The following SPTLC3 variants were observed in gnomAD, a reference collection of about 807,000 sequenced individuals.
SPTLC3 encodes the protein serine palmitoyltransferase long chain base subunit 3.
Under a neutral mutation model 59.3 loss-of-function variants are expected in SPTLC3, and 36 were observed. That is an observed-to-expected ratio of 0.61 (90% CI 0.47 to 0.80). The LOEUF is 0.80. Among genes scored for constraint, SPTLC3 ranks in the 30% least tolerant of loss-of-function variants. SPTLC3 has a pLI of 0.00. For synonymous variants in SPTLC3, 257 were observed against 240.8 expected (o/e 1.07, Z -0.62); for missense variants, 625 against 685.1 (o/e 0.91, Z 0.98).
At chr20:13,033,167 C>T (rs16993653) in intron 1 of SPTLC3, among the ~76,000 whole-genome samples, 8,384 of 152,116 alleles carry the variant, frequency 0.055, 272 homozygotes, top group South Asian at 0.083. Context: ...CTCAGACTTC[C>T]ACCAAACCCT....
At chr20:13,021,066 T>G (rs1429719532) in intron 1 of SPTLC3, among the ~76,000 whole-genome samples, 1 of 152,210 alleles carries the variant, frequency 6.6e-6, no homozygotes, top group Non-Finnish European at 1.5e-5. Flanking sequence ...CTTCATCCCA[T>G]AATGACTTCT....
At chr20:13,024,289 G>A (rs1017835087) in intron 1 of SPTLC3, among the ~76,000 whole-genome samples, 1 of 151,980 alleles carries the variant, frequency 6.6e-6, no homozygotes, top group Non-Finnish European at 1.5e-5. Context: ...CCATTTTATT[G>A]TAAACATTTG....
At position 13,131,676 on chromosome 20, in the gene SPTLC3, C is replaced by G. The variant is rs546921668; in HGVS notation, c.1279+4959C>G. Among the ~76,000 whole-genome samples the G allele has an allele frequency of 8.5e-5, 13 of 152,204 alleles. 1 individual carries two copies. The highest frequency in any genetic ancestry group is 1.3e-4 in the Non-Finnish European group (9 of 68,038). On this transcript the variant is annotated intron_variant, in intron 9 of 11. Transcript: ENST00000399002. ...TCACTTCTCACACAGCCAACACTCT[C>G]TCTATCACCTCTCACCTGGATTCCT... is the stretch of plus-strand genomic sequence containing the variant.
intron 11 of SPTLC3, among the ~76,000 whole-genome samples, chr20:13,163,086 G>C (rs1393609839): frequency 1.3e-5 from 2 of 152,126 alleles, no homozygotes; most frequent in Non-Finnish European, 2.9e-5. Context: ...AATGAATAGA[G>C]GTCGGGCGCA....
intron 9 of SPTLC3, among the ~76,000 whole-genome samples, chr20:13,149,743 A>G (rs2038600730): frequency 6.6e-6 from 1 of 152,228 alleles, no homozygotes; most frequent in Non-Finnish European, 1.5e-5. Flanking sequence ...AAGTCTCTGA[A>G]GGATCTGGAA....
intron 9 of SPTLC3, among the ~76,000 whole-genome samples, chr20:13,137,588 T>C (rs981325970): frequency 6.6e-6 from 1 of 152,180 alleles, no homozygotes; most frequent in African/African-American, 2.4e-5. Flanking sequence ...CTGTTTCTGC[T>C]GAGAACATCA....
At chr20:13,026,395 T>G (rs1433216563) in intron 1 of SPTLC3, among the ~76,000 whole-genome samples, 1 of 152,220 alleles carries the variant, frequency 6.6e-6, no homozygotes, top group Non-Finnish European at 1.5e-5. Flanking sequence ...CATCTGTTAT[T>G]TCTCAACTTT....
At chr20:13,109,095 A>G (rs79536551) in intron 6 of SPTLC3, among the ~76,000 whole-genome samples, 6,543 of 152,298 alleles carry the variant, frequency 0.043, 450 homozygotes, top group African/African-American at 0.14. Flanking sequence ...ATACACACAC[A>G]TGTACATATA....
At chr20:13,063,593 T>A (rs1280006206) in intron 2 of SPTLC3, among the ~76,000 whole-genome samples, 1 of 151,830 alleles carries the variant, frequency 6.6e-6, no homozygotes, top group Non-Finnish European at 1.5e-5. Context: ...TTTATTTCTA[T>A]GTGCTGTCTG....
chr20:13,028,735 A>G (rs375862604), intron 1 of SPTLC3, among the ~76,000 whole-genome samples: 2 of 152,274 alleles, frequency 1.3e-5, no homozygotes, highest in African/African-American at 2.4e-5. Flanking sequence ...GCATTTTGTC[A>G]AAACCAGGAT....
intron 2 of SPTLC3, among the ~76,000 whole-genome samples, chr20:13,055,306 C>T (rs4814193): frequency 0.87 from 132,264 of 151,694 alleles, 57,717 homozygotes; most frequent in East Asian, 0.91. Context: ...CTTCCAGAGA[C>T]GCAGGTTTCT....
intron 2 of SPTLC3, among the ~76,000 whole-genome samples, chr20:13,071,294 A>G (rs1486400587): frequency 6.6e-6 from 1 of 152,190 alleles, no homozygotes; most frequent in Admixed American, 6.5e-5. Flanking sequence ...TAGTAATGGT[A>G]TTTCCACTTA....
chr20:13,161,163 G>A (rs888971206), intron 11 of SPTLC3, among the ~76,000 whole-genome samples: 3 of 152,198 alleles, frequency 2.0e-5, no homozygotes, highest in Admixed American at 1.3e-4. Flanking sequence ...GATTGGATGT[G>A]GTGCATATGT....
At chr20:13,070,402 T>C (rs1988393091) in intron 2 of SPTLC3, among the ~76,000 whole-genome samples, 1 of 152,184 alleles carries the variant, frequency 6.6e-6, no homozygotes, top group African/African-American at 2.4e-5. Context: ...GGTGTAGCCA[T>C]CTGCCATCAA....
intron 8 of SPTLC3, 65 bp from the exon 9 acceptor site, chr20:13,126,526 G>T: frequency 6.3e-7 from 1 of 1,584,760 alleles, no homozygotes; most frequent in Non-Finnish European, 8.6e-7. Flanking sequence ...GGGACTAGAT[G>T]TAATTCCCAC....
intron 4 of SPTLC3, among the ~76,000 whole-genome samples, chr20:13,085,015 A>G (rs911492188): frequency 2.0e-5 from 3 of 152,140 alleles, no homozygotes; most frequent in Non-Finnish European, 4.4e-5. Flanking sequence ...ATCTGATCTA[A>G]TATTTGCTAA....
intron 8 of SPTLC3, among the ~76,000 whole-genome samples, chr20:13,118,205 C>A (rs1333252430): frequency 6.6e-6 from 1 of 152,062 alleles, no homozygotes; most frequent in African/African-American, 2.4e-5. Context: ...ATTAGGGAGG[C>A]TGACCCTATG....
intron 1 of SPTLC3, among the ~76,000 whole-genome samples, chr20:13,038,711 T>C (rs6041792): frequency 0.1 from 15,506 of 152,162 alleles, 937 homozygotes; most frequent in African/African-American, 0.17. Context: ...TGTTTTACTT[T>C]TTCCATGGTC....
chr20:13,027,647 A>G (rs1385136970), intron 1 of SPTLC3, among the ~76,000 whole-genome samples: 9 of 34,560 alleles, frequency 2.6e-4, no homozygotes, highest in South Asian at 2.8e-3. Flanking sequence ...GCACGCACAC[A>G]CACACACACA....
Sources: allele counts gnomAD v4.1 joint callset (sites outside exome capture counted in the v4.1 genomes callset), GRCh38; gene constraint gnomAD v4.1.1; transcripts MANE v1.5; gene names NCBI Gene and HGNC (gene_info 2026-07-23, HGNC 2026-07-21).